The following DRP2 variants were observed in gnomAD, a reference collection of about 807,000 sequenced individuals.
The protein encoded by DRP2 is dystrophin-related protein 2.
Under a neutral mutation model 78.2 loss-of-function variants are expected in DRP2, and 29 were observed. That is an observed-to-expected ratio of 0.37 (90% CI 0.28 to 0.51). The LOEUF is 0.51. Among genes scored for constraint, DRP2 ranks in the 20% least tolerant of loss-of-function variants. The pLI is 0.94. For missense variants in DRP2, 686 were observed against 770.6 expected (o/e 0.89, Z 1.30); for synonymous variants, 290 against 281.9 (o/e 1.03, Z -0.29).
chrX:101,257,011 A>G (rs1205006663), intron 21 of DRP2, among the ~76,000 whole-genome samples: 1 of 109,520 alleles, frequency 9.1e-6, no homozygotes, highest in Non-Finnish European at 1.9e-5. Context: ...CACCTAGTAA[A>G]AGTATTCCAG....
chrX:101,250,047 T>A (rs1923074273), intron 14 of DRP2, among the ~76,000 whole-genome samples: 2 of 111,280 alleles, frequency 1.8e-5, no homozygotes. Flanking sequence ...CCTGAGCCCG[T>A]ACCCCATCAT....
intron 2 of DRP2, among the ~76,000 whole-genome samples, 165 bp downstream of exon 2, chrX:101,224,871 A>G (rs1411213319): frequency 4.4e-5 from 5 of 112,589 alleles, no homozygotes; most frequent in African/African-American, 9.7e-5. Context: ...TCTCAGACAT[A>G]GTCTACTCAC....
Position 101,260,808 on chromosome X carries a change from G to T in DRP2, c.*187G>T. ...TGCATGCGGGCAGTGATGGGAGAAG[G>T]GGAGGCATGATTCTTCTGACCCTAG... On this transcript the variant is annotated 3_prime_UTR_variant, in exon 24 of 24. Coordinates refer to ENST00000395209, the MANE Select transcript of DRP2 (RefSeq NM_001939.3). The T allele has an allele frequency of 2.2e-6, 1 of 455,326 alleles. No individual in the cohort carries two copies. The allele number at this position is 455,326 out of a possible 1,213,427, so 37.5% of individuals were successfully genotyped here.
chrX:101,236,260 T>C (rs1341149516), intron 4 of DRP2, among the ~76,000 whole-genome samples: 1 of 112,167 alleles, frequency 8.9e-6, no homozygotes, highest in Admixed American at 9.4e-5. Flanking sequence ...TCTCGAAATG[T>C]TAGCTTCCAT....
Position 101,243,080 on chromosome X carries a change from C to T in DRP2, c.1054+98C>T, listed in dbSNP as rs778410591. 692 of 742,781 alleles carry T rather than the reference C, an allele frequency of 9.3e-4. 1 individual carries two copies. Among genetic ancestry groups the T allele is most frequent in the Non-Finnish European group, 1.2e-3 (574 of 487,357 alleles). The allele number at this position is 742,781 out of a possible 1,213,427, so 61.2% of individuals were successfully genotyped here. ...GGGGCCCTGGTGGGAGCCCAGTATACCTTGACATCCGAGAAGCAGTAAGGA... is the reference window on the plus strand; with the variant it reads ...GGGGCCCTGGTGGGAGCCCAGTATATCTTGACATCCGAGAAGCAGTAAGGA... On this transcript the variant is annotated intron_variant, in intron 9 of 23. Transcript: ENST00000395209.
intron 14 of DRP2, among the ~76,000 whole-genome samples, chrX:101,249,971 C>T (rs146828861): frequency 8.9e-6 from 1 of 111,948 alleles, no homozygotes; most frequent in Non-Finnish European, 1.9e-5. Flanking sequence ...GAGATTACTG[C>T]AGTGTCAGAC....
At chrX:101,226,268 A>T (rs1922117688) in intron 2 of DRP2, among the ~76,000 whole-genome samples, 1 of 111,002 alleles carries the variant, frequency 9.0e-6, no homozygotes, top group Admixed American at 9.6e-5. Flanking sequence ...AGTTTTTGCA[A>T]TTTTTTTTGC....
At chrX:101,258,056 C>T (rs1221253429) in intron 21 of DRP2, among the ~76,000 whole-genome samples, 1 of 110,312 alleles carries the variant, frequency 9.1e-6, no homozygotes, top group Non-Finnish European at 1.9e-5. Context: ...AGCCCTGAGA[C>T]ATTTCTTACG....
At position 101,238,138 on chromosome X, in the gene DRP2, G is replaced by C. The variant is rs1376062573; in HGVS notation, c.438+363G>C. Reference sequence around the variant, plus strand: ...TGTTTACATACATATAACAGCATAGGAAGGAACTATATCAAAATGTTAACA... The same window carrying C: ...TGTTTACATACATATAACAGCATAGCAAGGAACTATATCAAAATGTTAACA... On this transcript the variant is annotated intron_variant, in intron 5 of 23. Coordinates refer to ENST00000395209, the MANE Select transcript of DRP2 (RefSeq NM_001939.3). 2.7e-5 allele frequency among the ~76,000 whole-genome samples: 3 copies of C among 111,780 alleles called. No homozygotes were observed. The Admixed American group carries it at 2.8e-4, about 11-fold the overall frequency.
At chrX:101,259,481 C>CTTTA (rs1186106991) in intron 22 of DRP2, among the ~76,000 whole-genome samples, 13 of 110,826 alleles carry the variant, frequency 1.2e-4, no homozygotes, top group African/African-American at 4.0e-4. Context: ...CAATGCCATT[C>CTTTA]TTTATTTAAT....
intron 6 of DRP2, among the ~76,000 whole-genome samples, chrX:101,240,767 G>A (rs185130224): frequency 8.9e-6 from 1 of 112,387 alleles, no homozygotes; most frequent in Non-Finnish European, 1.9e-5. Flanking sequence ...GCCCATCTCA[G>A]TTTATTTCTG....
chrX:101,254,859 G>T lies in DRP2; in HGVS notation c.2115G>T (p.Thr705=), dbSNP rs1322037838. The T allele has an allele frequency of 1.7e-6, 2 of 1,210,103 alleles. No homozygotes were observed. The highest frequency in any genetic ancestry group is 2.2e-6 in the Non-Finnish European group (2 of 895,267). The part of the protein sequence containing the change: ...QSVLEADYSE[T]PASSPMWPHA... ...CCGAGTCTTTGCTGCTTTCTTCTAG[G>T]CCGGCTTCTTCCCCGATGTGGCCAC... The change falls in exon 19 of 24, where the codon ACG becomes ACT. Residue 705 remains threonine (T), a splice_region_variant and synonymous_variant. Coordinates refer to ENST00000395209, the MANE Select transcript of DRP2 (RefSeq NM_001939.3).
At chrX:101,236,142 C>A in intron 4 of DRP2, 119 bp downstream of exon 4, 1 of 784,323 alleles carries the variant, frequency 1.3e-6, no homozygotes, top group Non-Finnish European at 1.9e-6. Flanking sequence ...CCCACTTCTC[C>A]CTTTCCTACA....
At chrX:101,247,343 C>G (rs764123601) in intron 12 of DRP2, among the ~76,000 whole-genome samples, 179 bp downstream of exon 12, 17 of 111,636 alleles carry the variant, frequency 1.5e-4, no homozygotes, top group African/African-American at 4.9e-4. Context: ...CCCTTCCACT[C>G]TCGCTAGGCC....
chrX:101,255,689 A>G (rs756818762), intron 20 of DRP2, among the ~76,000 whole-genome samples: 2 of 110,785 alleles, frequency 1.8e-5, no homozygotes, highest in Non-Finnish European at 3.8e-5. Flanking sequence ...CAGCCCAGAG[A>G]AGGGGCCTTG....
At chrX:101,239,690 GCCTCAGC>G (rs1922648804) in intron 6 of DRP2, among the ~76,000 whole-genome samples, 1 of 111,560 alleles carries the variant, frequency 9.0e-6, no homozygotes, top group Non-Finnish European at 1.9e-5. Flanking sequence ...CCATTCTCCT[GCCTCAGC>G]CTCCCGAGTA....
In DRP2 at chrX:101,254,890, G is replaced by A. The variant is rs144921515; in HGVS notation, c.2146G>A (p.Asp716Asn). 15 of 1,210,063 alleles carry A rather than the reference G, an allele frequency of 1.2e-5. No individual in the cohort carries two copies. Among genetic ancestry groups the A allele is most frequent in the South Asian group, 7.0e-5 (4 of 56,796 alleles). The change falls in exon 19 of 24, where the codon GAC (aspartate) becomes AAC (asparagine). Residue 716 changes from aspartate to asparagine, a missense_variant. Transcript: ENST00000395209. ...PASSPMWPHA[D>N]THSRIEHFAS... Reference sequence around the variant, plus strand: ...TTCTTCCCCGATGTGGCCACACGCCGACACACACTCCCGAATTGAGCATTT... The same window carrying A: ...TTCTTCCCCGATGTGGCCACACGCCAACACACACTCCCGAATTGAGCATTT...
intron 4 of DRP2, among the ~76,000 whole-genome samples, chrX:101,236,899 T>A (rs1922525432): frequency 1.8e-5 from 2 of 111,550 alleles, no homozygotes; most frequent in Non-Finnish European, 3.8e-5. Context: ...GGGCAATGAA[T>A]AAAGATAGTT....
chrX:101,246,955 C>T (rs1046696297), intron 11 of DRP2, 135 bp from the exon 12 acceptor site: 15 of 461,630 alleles, frequency 3.2e-5, no homozygotes, highest in African/African-American at 3.2e-4. Flanking sequence ...AGTTCTCATT[C>T]ATCCCCACTC....
Sources: gnomAD v4.1 joint callset for allele counts (sites outside exome capture counted in the v4.1 genomes callset) on GRCh38, gnomAD v4.1.1 for gene constraint, MANE v1.5 for transcripts, NCBI Gene and HGNC (gene_info 2026-07-23, HGNC 2026-07-21) for gene names.